The following CDH13 variants were observed in gnomAD, a reference collection of about 807,000 sequenced individuals.
CDH13 encodes the protein cadherin 13.
CDH13 carries 24 observed loss-of-function variants against 63.8 expected under a neutral mutation model. That is an observed-to-expected ratio of 0.38 (90% CI 0.27 to 0.53). The LOEUF is 0.53. CDH13 is among the 20% of genes least tolerant of loss of function. The probability of loss-of-function intolerance (pLI) is 0.85; values close to 1 mark genes in which losing one functional copy is unlikely to be tolerated. For missense variants in CDH13, 1,049 were observed against 903.1 expected (o/e 1.16, Z -2.07); for synonymous variants, 503 against 355.3 (o/e 1.42, Z -4.67).
At chr16:83,533,338 G>A (rs2075120726) in intron 7 of CDH13, among the ~76,000 whole-genome samples, 2 of 152,222 alleles carry the variant, frequency 1.3e-5, no homozygotes, top group Admixed American at 1.3e-4. Flanking sequence ...TAAATACTGA[G>A]ATGCCCAGAG....
intron 7 of CDH13, among the ~76,000 whole-genome samples, chr16:83,504,436 C>T (rs2074351562): frequency 2.6e-5 from 4 of 152,192 alleles, no homozygotes; most frequent in Admixed American, 2.6e-4. Context: ...GGGTTAATGC[C>T]ACCAGAAGAC....
intron 1 of CDH13, among the ~76,000 whole-genome samples, chr16:82,809,738 C>G (rs1249764996): frequency 6.6e-6 from 1 of 152,068 alleles, no homozygotes; most frequent in African/African-American, 2.4e-5. Flanking sequence ...GGAAATCTGA[C>G]AAGTATTATA....
At chr16:83,367,332 G>T (rs1005861597) in intron 6 of CDH13, among the ~76,000 whole-genome samples, 5 of 152,020 alleles carry the variant, frequency 3.3e-5, no homozygotes, top group Admixed American at 1.3e-4. Context: ...TATTAATATT[G>T]TATGGGATTA....
At chr16:83,730,610 G>A (rs446490) in intron 10 of CDH13, among the ~76,000 whole-genome samples, 105,205 of 151,780 alleles carry the variant, frequency 0.69, 37,821 homozygotes, top group Middle Eastern at 0.81. Context: ...GGGTACAAAG[G>A]ATCACCTGGG....
intron 8 of CDH13, among the ~76,000 whole-genome samples, chr16:83,658,981 A>G (rs1290825240): frequency 3.5e-5 from 4 of 115,210 alleles, no homozygotes; most frequent in Non-Finnish European, 6.9e-5. Flanking sequence ...GCAAGGTCCC[A>G]TGTCCTCACC....
chr16:83,772,345 G>T (rs1914814727), intron 11 of CDH13, among the ~76,000 whole-genome samples: 1 of 152,142 alleles, frequency 6.6e-6, no homozygotes, highest in Non-Finnish European at 1.5e-5. Flanking sequence ...AGGACCAGTG[G>T]TCATCTTGGA....
At chr16:83,419,173 C>A (rs188106776) in intron 6 of CDH13, among the ~76,000 whole-genome samples, 1 of 152,274 alleles carries the variant, frequency 6.6e-6, no homozygotes, top group East Asian at 1.9e-4. Flanking sequence ...AATCTGTGAC[C>A]AGCTCCATCC....
At chr16:82,902,484 G>T (rs989322401) in intron 2 of CDH13, among the ~76,000 whole-genome samples, 2 of 151,724 alleles carry the variant, frequency 1.3e-5, no homozygotes, top group African/African-American at 2.4e-5. Context: ...ATTGTGCCTG[G>T]CAGTGCCACA....
At chr16:83,403,132 A>T (rs1241637717) in intron 6 of CDH13, among the ~76,000 whole-genome samples, 2 of 152,172 alleles carry the variant, frequency 1.3e-5, no homozygotes, top group Admixed American at 6.5e-5. Flanking sequence ...CCATTTTGTT[A>T]TAATGAAATA....
At chr16:82,641,887 G>C (rs1909443613) in intron 1 of CDH13, among the ~76,000 whole-genome samples, 1 of 152,132 alleles carries the variant, frequency 6.6e-6, no homozygotes, top group South Asian at 2.1e-4. Context: ...GTCTGCAGGA[G>C]GGTGATGAGT....
At chr16:82,866,055 G>A (rs563411881) in intron 2 of CDH13, among the ~76,000 whole-genome samples, 1 of 152,308 alleles carries the variant, frequency 6.6e-6, no homozygotes, top group African/African-American at 2.4e-5. Context: ...AATGCCGCCA[G>A]TCTCTTTGCT....
At chr16:83,409,880 C>G (rs2092101736) in intron 6 of CDH13, among the ~76,000 whole-genome samples, 1 of 152,152 alleles carries the variant, frequency 6.6e-6, no homozygotes, top group African/African-American at 2.4e-5. Context: ...TGTCCAGTTG[C>G]TTAACCAGAT....
chr16:83,148,306 A>G (rs956221754), intron 4 of CDH13, among the ~76,000 whole-genome samples: 2 of 147,564 alleles, frequency 1.4e-5, no homozygotes, highest in Non-Finnish European at 2.9e-5. Flanking sequence ...CATGGGTGGT[A>G]CCATGTAGAC....
intron 10 of CDH13, chr16:83,717,170 G>A (rs896527072): frequency 6.6e-6 from 1 of 152,296 alleles, no homozygotes; most frequent in East Asian, 1.9e-4. Context: ...TGAGGCAGGA[G>A]AATTGCTTGA....
At chr16:82,793,905 A>T (rs1481615281) in intron 1 of CDH13, among the ~76,000 whole-genome samples, 1 of 151,966 alleles carries the variant, frequency 6.6e-6, no homozygotes, top group Non-Finnish European at 1.5e-5. Context: ...GGGCAGTAGG[A>T]GTGGATTTAA....
At position 82,692,643 on chromosome 16, in the gene CDH13, G is replaced by C. The variant is rs551862192; in HGVS notation, c.45+65506G>C. ...ATGGGAGCCCAGCCAGACCACATCAGAAACCTTCTGAGAGGATGCCTTGAA... is the reference window on the plus strand; with the variant it reads ...ATGGGAGCCCAGCCAGACCACATCACAAACCTTCTGAGAGGATGCCTTGAA... On this transcript the variant is annotated intron_variant, in intron 1 of 13. Transcript: ENST00000567109. 8.5e-5 allele frequency among the ~76,000 whole-genome samples: 13 copies of C among 152,334 alleles called. No individual in the cohort carries two copies. In the East Asian group the frequency reaches 2.3e-3, roughly 27 times the overall value.
At chr16:82,651,835 T>C (rs936845505) in intron 1 of CDH13, among the ~76,000 whole-genome samples, 2 of 152,166 alleles carry the variant, frequency 1.3e-5, no homozygotes, top group South Asian at 2.1e-4. Context: ...AAGAAGGTGA[T>C]TGTGGTCTTG....
At chr16:83,414,311 A>T (rs1350856314) in intron 6 of CDH13, among the ~76,000 whole-genome samples, 1 of 152,224 alleles carries the variant, frequency 6.6e-6, no homozygotes, top group Non-Finnish European at 1.5e-5. Context: ...CCCATTTAAA[A>T]TGTGCAATTT....
intron 2 of CDH13, among the ~76,000 whole-genome samples, chr16:82,978,826 G>C (rs191107096): frequency 1.2e-4 from 19 of 152,352 alleles, no homozygotes; most frequent in African/African-American, 4.6e-4. Flanking sequence ...CTGCTTAGTG[G>C]AGCTGTGAGA....
Sources: gnomAD v4.1 joint callset for allele counts (sites outside exome capture counted in the v4.1 genomes callset) on GRCh38, gnomAD v4.1.1 for gene constraint, MANE v1.5 for transcripts, NCBI Gene and HGNC (gene_info 2026-07-23, HGNC 2026-07-21) for gene names.